GALNT17: variants seen among roughly 807,000 people sequenced by gnomAD.
GALNT17 encodes UDP-GalNAc:polypeptide N-acetylgalactosaminyltransferase-like 3.
A neutral mutation model predicts 63.7 loss-of-function variants in GALNT17; 29 were observed. The observed-to-expected ratio is 0.46, with a 90% CI of 0.34 to 0.62. The LOEUF (loss-of-function observed/expected upper bound fraction) is 0.62, where lower values mean the gene tolerates loss of function less well. Ranked by LOEUF, GALNT17 falls within the 20% of genes least tolerant of loss-of-function variation. The probability of loss-of-function intolerance (pLI) is 0.01; values close to 1 mark genes in which losing one functional copy is unlikely to be tolerated. For missense variants in GALNT17, 603 were observed against 799.6 expected (o/e 0.75, Z 2.97); for synonymous variants, 305 against 318.3 (o/e 0.96, Z 0.45).
At chr7:71,447,730 C>G (rs1787185288) in intron 5 of GALNT17, among the ~76,000 whole-genome samples, 2 of 152,222 alleles carry the variant, frequency 1.3e-5, no homozygotes, top group South Asian at 4.2e-4. Context: ...TTTTGTTTTT[C>G]CTGTATTTAA....
intron 9 of GALNT17, among the ~76,000 whole-genome samples, chr7:71,680,763 C>T (rs1189310573): frequency 1.3e-5 from 1 of 76,586 alleles, no homozygotes; most frequent in Non-Finnish European, 2.9e-5. Context: ...CCTTTTGTTT[C>T]CTTTCCCTTC....
At chr7:71,700,347 A>G (rs937004213) in intron 9 of GALNT17, among the ~76,000 whole-genome samples, 2 of 151,844 alleles carry the variant, frequency 1.3e-5, no homozygotes, top group African/African-American at 2.4e-5. Context: ...CTTAACTTGT[A>G]TGCATTCTCA....
chr7:71,708,184 G>A (rs1791746721), intron 9 of GALNT17, among the ~76,000 whole-genome samples: 1 of 152,082 alleles, frequency 6.6e-6, no homozygotes, highest in East Asian at 1.9e-4. Flanking sequence ...TATTAGTCCA[G>A]TCTTATGCTG....
chr7:71,638,580 A>T (rs1790560968), intron 6 of GALNT17, among the ~76,000 whole-genome samples: 1 of 152,218 alleles, frequency 6.6e-6, no homozygotes, highest in South Asian at 2.1e-4. Flanking sequence ...CAGACACGGC[A>T]TGGGTAGTCC....
At position 71,420,866 on chromosome 7, in the gene GALNT17, G is replaced by C. The variant is rs191215830; in HGVS notation, c.765-42G>C. The C allele has an allele frequency of 1.9e-6, 3 of 1,605,624 alleles. No homozygotes were observed. The African/African-American group carries it at 4.0e-5, about 22-fold the overall frequency. On this transcript the variant is annotated intron_variant, in intron 4 of 10. Coordinates refer to ENST00000333538, the MANE Select transcript of GALNT17 (RefSeq NM_022479.3). ...TGTGGTCTTGGGAGGTGTGCCTCAC[G>C]GGAGAGAAGAGAGGTTTCATGTCTA... is the stretch of plus-strand genomic sequence containing the variant.
intron 2 of GALNT17, among the ~76,000 whole-genome samples, chr7:71,356,728 A>G (rs910977273): frequency 1.1e-4 from 16 of 152,166 alleles, no homozygotes; most frequent in African/African-American, 3.6e-4. Context: ...TGGGAATCAG[A>G]TTTCAATATA....
At chr7:71,486,337 T>TAAG (rs1238164320) in intron 5 of GALNT17, among the ~76,000 whole-genome samples, 12 of 516 alleles carry the variant, frequency 0.023, no homozygotes, top group East Asian at 0.2. Context: ...TGTCTGAAAA[T>TAAG]AATAATAATA....
intron 2 of GALNT17, among the ~76,000 whole-genome samples, chr7:71,358,366 G>A (rs550997278): frequency 6.6e-6 from 1 of 152,338 alleles, no homozygotes; most frequent in South Asian, 2.1e-4. Context: ...TTGCACTCCT[G>A]CCTGGGCGAG....
At chr7:71,677,115 C>G (rs1791162204) in intron 8 of GALNT17, 96 bp from the exon 9 acceptor site, 2 of 1,239,376 alleles carry the variant, frequency 1.6e-6, no homozygotes, top group Non-Finnish European at 2.4e-6. Flanking sequence ...GTCTTCCCAT[C>G]ATGAAGTTGG....
At chr7:71,423,565 C>G (rs1425624574) in intron 5 of GALNT17, among the ~76,000 whole-genome samples, 1 of 152,096 alleles carries the variant, frequency 6.6e-6, no homozygotes, top group Non-Finnish European at 1.5e-5. Context: ...GGGATGAAGA[C>G]TTTTTACAGA....
At chr7:71,457,231 T>C (rs1787370442) in intron 5 of GALNT17, among the ~76,000 whole-genome samples, 1 of 152,248 alleles carries the variant, frequency 6.6e-6, no homozygotes, top group Non-Finnish European at 1.5e-5. Flanking sequence ...GGGAATTTCC[T>C]TGTGGGCAAA....
intron 5 of GALNT17, among the ~76,000 whole-genome samples, chr7:71,451,867 A>T (rs1303055825): frequency 6.6e-6 from 1 of 151,926 alleles, no homozygotes; most frequent in African/African-American, 2.4e-5. Flanking sequence ...TCTATTCTTA[A>T]TTTATTTCAC....
chr7:71,253,714 T>A (rs1179039337), intron 1 of GALNT17, among the ~76,000 whole-genome samples: 2 of 152,240 alleles, frequency 1.3e-5, no homozygotes, highest in Non-Finnish European at 2.9e-5. Flanking sequence ...GTCATTTTCT[T>A]TGGCTTACAT....
chr7:71,690,028 T>TC, intron 9 of GALNT17, among the ~76,000 whole-genome samples: 1 of 151,236 alleles, frequency 6.6e-6, no homozygotes, highest in East Asian at 2.0e-4. Context: ...TCTTTTTTTT[T>TC]TTTTTTCTTT....
At chr7:71,468,269 A>G (rs915950045) in intron 5 of GALNT17, among the ~76,000 whole-genome samples, 2 of 151,558 alleles carry the variant, frequency 1.3e-5, no homozygotes, top group Admixed American at 6.6e-5. Flanking sequence ...GCCTGAAGCA[A>G]TCCTCCTGTA....
intron 5 of GALNT17, among the ~76,000 whole-genome samples, chr7:71,447,237 C>A (rs1787177540): frequency 6.6e-6 from 1 of 152,162 alleles, no homozygotes; most frequent in South Asian, 2.1e-4. Flanking sequence ...ATATTTTTGT[C>A]CAACATGGCT....
At chr7:71,706,064 G>A (rs1467600493) in intron 9 of GALNT17, among the ~76,000 whole-genome samples, 1 of 152,182 alleles carries the variant, frequency 6.6e-6, no homozygotes, top group Non-Finnish European at 1.5e-5. Flanking sequence ...TAGAAAAGCG[G>A]ATGTGAGATC....
At chr7:71,639,514 C>G (rs1346704938) in intron 6 of GALNT17, among the ~76,000 whole-genome samples, 1 of 152,106 alleles carries the variant, frequency 6.6e-6, no homozygotes. Flanking sequence ...TGACACTGAG[C>G]GATTGCACGA....
At chr7:71,569,060 C>T (rs1789394901) in intron 5 of GALNT17, among the ~76,000 whole-genome samples, 1 of 152,156 alleles carries the variant, frequency 6.6e-6, no homozygotes, top group South Asian at 2.1e-4. Flanking sequence ...TAACCTCTAC[C>T]TCCCAGGTTC....
Sources: allele counts gnomAD v4.1 joint callset (sites outside exome capture counted in the v4.1 genomes callset), GRCh38; gene constraint gnomAD v4.1.1; transcripts MANE v1.5; gene names NCBI Gene and HGNC (gene_info 2026-07-23, HGNC 2026-07-21).